The following DMD variants were observed in gnomAD, a reference collection of about 807,000 sequenced individuals.
DMD encodes dystrophin.
In DMD, 63 loss-of-function variants were observed where a neutral mutation model predicts 330.1. The ratio of observed to expected loss-of-function variants is 0.19; its 90% CI spans 0.16 to 0.24. DMD has a LOEUF of 0.24. Ranked by LOEUF, DMD falls within the 10% of genes least tolerant of loss-of-function variation. DMD has a pLI of 1.00. For missense variants in DMD, 3,344 were observed against 2,684.1 expected (o/e 1.25, Z -5.43); for synonymous variants, 1,223 against 959.8 (o/e 1.27, Z -5.07).
chrX:32,800,027 T>C (rs1032111390), intron 7 of DMD, among the ~76,000 whole-genome samples: 1 of 111,802 alleles, frequency 8.9e-6, no homozygotes, highest in African/African-American at 3.2e-5. Context: ...AGCAATTCTA[T>C]CAACAAAGCT....
intron 1 of DMD, among the ~76,000 whole-genome samples, chrX:33,023,182 A>T (rs1233953435): frequency 8.9e-6 from 1 of 111,926 alleles, no homozygotes; most frequent in Non-Finnish European, 1.9e-5. Context: ...ATAAATACAT[A>T]TTTCTTATAA....
chrX:32,780,990 C>T (rs759641193), intron 7 of DMD, among the ~76,000 whole-genome samples: 3 of 108,468 alleles, frequency 2.8e-5, no homozygotes, highest in Admixed American at 9.8e-5. Flanking sequence ...TGGTGGCAGG[C>T]GCCTGTAGTC....
At chrX:31,635,947 A>G (rs1481118620) in intron 54 of DMD, among the ~76,000 whole-genome samples, 1 of 112,090 alleles carries the variant, frequency 8.9e-6, no homozygotes, top group Non-Finnish European at 1.9e-5. Flanking sequence ...ATAGTCAAAA[A>G]TAACAGGTTC....
chrX:32,761,361 T>C (rs1192292580), intron 7 of DMD, among the ~76,000 whole-genome samples: 7 of 111,990 alleles, frequency 6.3e-5, no homozygotes, highest in Non-Finnish European at 7.5e-5. Flanking sequence ...TGTGTGCTTC[T>C]AGAATACAAA....
intron 61 of DMD, among the ~76,000 whole-genome samples, chrX:31,333,892 G>T (rs5927723): frequency 0.42 from 45,748 of 109,621 alleles, 7,310 homozygotes; most frequent in East Asian, 0.66. Flanking sequence ...ACAGAAGGGC[G>T]GTAAGGAGAC....
intron 29 of DMD, 151 bp from the exon 30 acceptor site, chrX:32,412,064 C>G (rs761607064): frequency 8.5e-7 from 1 of 1,183,169 alleles, no homozygotes; most frequent in African/African-American, 1.8e-5. Context: ...TCATTCAGCT[C>G]TGTTGATAGA....
intron 7 of DMD, among the ~76,000 whole-genome samples, chrX:32,750,258 C>T (rs961296474): frequency 8.9e-6 from 1 of 111,755 alleles, no homozygotes; most frequent in Admixed American, 9.5e-5. Context: ...TTTTCAAACT[C>T]TATCCATCCT....
chrX:31,289,899 TTTATTATTA>T (rs200740564), intron 62 of DMD, among the ~76,000 whole-genome samples: 12,270 of 93,472 alleles, frequency 0.13, 773 homozygotes, highest in African/African-American at 0.21. Context: ...TATTATTCTG[TTTATTATTA>T]TTATTATTAT....
intron 63 of DMD, among the ~76,000 whole-genome samples, chrX:31,232,189 G>A (rs764528195): frequency 9.3e-6 from 1 of 107,380 alleles, no homozygotes; most frequent in South Asian, 4.4e-4. Flanking sequence ...GAAGGAGGAA[G>A]AGTGGGCACA....
intron 48 of DMD, among the ~76,000 whole-genome samples, 177 bp from the exon 49 acceptor site, chrX:31,836,996 T>C (rs748547496): frequency 8.9e-6 from 1 of 111,856 alleles, no homozygotes; most frequent in East Asian, 2.8e-4. Flanking sequence ...TGAAACACAT[T>C]AAACTTAAAA....
intron 13 of DMD, among the ~76,000 whole-genome samples, chrX:32,581,032 G>T (rs2053599725): frequency 9.0e-6 from 1 of 111,096 alleles, no homozygotes; most frequent in Non-Finnish European, 1.9e-5. Flanking sequence ...CACCATGTTG[G>T]CTGGTCTCAT....
chrX:32,687,633 C>A (rs1204437998), intron 9 of DMD, among the ~76,000 whole-genome samples: 1 of 111,571 alleles, frequency 9.0e-6, no homozygotes, highest in African/African-American at 3.3e-5. Flanking sequence ...CCAGCAGTAG[C>A]CACCAGGCAT....
intron 13 of DMD, among the ~76,000 whole-genome samples, chrX:32,594,319 A>T (rs2149258400): frequency 9.0e-6 from 1 of 111,319 alleles, no homozygotes; most frequent in East Asian, 2.8e-4. Flanking sequence ...ATGGCATTTC[A>T]ACAGAATTTT....
intron 30 of DMD, among the ~76,000 whole-genome samples, chrX:32,404,322 C>T (rs2098104891): frequency 9.0e-6 from 1 of 111,560 alleles, no homozygotes; most frequent in African/African-American, 3.3e-5. Flanking sequence ...GACTCTGGAA[C>T]ACCTGACGTC....
chrX:32,634,700 G>A (rs1373729758), intron 11 of DMD, among the ~76,000 whole-genome samples: 3 of 111,840 alleles, frequency 2.7e-5, no homozygotes, highest in Non-Finnish European at 3.8e-5. Context: ...GTATGTCTGA[G>A]CTGGTATCCA....
intron 1 of DMD, among the ~76,000 whole-genome samples, chrX:33,030,605 G>C (rs760885897): frequency 2.2e-4 from 25 of 111,425 alleles, no homozygotes; most frequent in Admixed American, 1.9e-4. Flanking sequence ...TTTTGTTAAA[G>C]TAATAACCAT....
At chrX:31,598,238 C>T (rs1477868065) in intron 55 of DMD, among the ~76,000 whole-genome samples, 2 of 110,488 alleles carry the variant, frequency 1.8e-5, no homozygotes, top group Non-Finnish European at 3.8e-5. Context: ...CCTGCCTCAG[C>T]GTCCTGAGTA....
intron 17 of DMD, among the ~76,000 whole-genome samples, chrX:32,519,403 A>C (rs1251337865): frequency 2.7e-5 from 3 of 111,151 alleles, no homozygotes; most frequent in Non-Finnish European, 5.7e-5. Flanking sequence ...CCGCTCTTTA[A>C]ATTTATCAGT....
At chrX:32,123,242 T>TAA (rs1557152493) in intron 44 of DMD, among the ~76,000 whole-genome samples, 1 of 80,970 alleles carries the variant, frequency 1.2e-5, no homozygotes, top group African/African-American at 4.5e-5. Context: ...TATATATATA[T>TAA]AAATGATCAA....
Sources: allele counts gnomAD v4.1 joint callset (sites outside exome capture counted in the v4.1 genomes callset), GRCh38; gene constraint gnomAD v4.1.1; transcripts MANE v1.5; gene names NCBI Gene and HGNC (gene_info 2026-07-23, HGNC 2026-07-21).